Variants in A3GALT2 observed in about 807,000 individuals in gnomAD.
The protein encoded by A3GALT2 is alpha 1,3-galactosyltransferase 2, also known as alpha-1,3-galactosyltransferase 2.
In A3GALT2, 14 loss-of-function variants were observed where a neutral mutation model predicts 16.6. That is an observed-to-expected ratio of 0.84 (90% confidence interval 0.56 to 1.32). A3GALT2 has a LOEUF of 1.32. Ranked by LOEUF, A3GALT2 falls within the 40% of genes most tolerant of loss-of-function variation. The probability of loss-of-function intolerance (pLI) is 0.00; values close to 1 mark genes in which losing one functional copy is unlikely to be tolerated. For missense variants in A3GALT2, 600 were observed against 490.9 expected, an observed-to-expected ratio of 1.22 and a Z score of -2.10; for synonymous variants, 253 against 218.0, an observed-to-expected ratio of 1.16 and a Z score of -1.42.
chr1:33,309,335 CG>C (rs1646220473), intron 4 of A3GALT2, among the ~76,000 whole-genome samples: 1 of 151,726 alleles, frequency 6.6e-6, no homozygotes, highest in Non-Finnish European at 1.5e-5. Context: ...ACTTCCCAGA[CG>C]GGGTGGCTGG....
intron 1 of A3GALT2, 54 bp downstream of exon 1, chr1:33,321,022 T>G (rs1164181382): frequency 1.2e-6 from 2 of 1,609,150 alleles, no homozygotes; most frequent in East Asian, 2.2e-5. Context: ...TGGATCCCTC[T>G]TAGCTCAGCT....
intron 4 of A3GALT2, among the ~76,000 whole-genome samples, chr1:33,308,742 T>G (rs1646215918): frequency 6.9e-6 from 1 of 144,416 alleles, no homozygotes; most frequent in Admixed American, 6.9e-5. Flanking sequence ...TTTTGTCATG[T>G]CAAAGTTGTT....
At chr1:33,311,981 G>C in intron 4 of A3GALT2, 71 bp downstream of exon 4, 10 of 1,585,296 alleles carry the variant, frequency 6.3e-6, no homozygotes, top group Non-Finnish European at 8.6e-6. Flanking sequence ...AGGGTGCCCC[G>C]CCTCCTTCAT....
chr1:33,317,549 A>G (rs1557810131), intron 1 of A3GALT2, among the ~76,000 whole-genome samples: 1 of 152,182 alleles, frequency 6.6e-6, no homozygotes, highest in East Asian at 1.9e-4. Flanking sequence ...CAGCTCCTCC[A>G]CTGTAACACT....
intron 2 of A3GALT2, 35 bp from the exon 3 acceptor site, chr1:33,312,625 G>T (rs12563102): frequency 6.5e-7 from 1 of 1,530,966 alleles, no homozygotes; most frequent in South Asian, 1.2e-5. Flanking sequence ...GCAGGCAGCC[G>T]TGAGAAGCAT....
At chr1:33,307,653 C>A (rs1238047404) in intron 4 of A3GALT2, among the ~76,000 whole-genome samples, 200 bp from the exon 5 acceptor site, 9 of 64,216 alleles carry the variant, frequency 1.4e-4, no homozygotes, top group African/African-American at 5.8e-4. Flanking sequence ...AATCCTCACC[C>A]CCACCCCACA....
intron 4 of A3GALT2, among the ~76,000 whole-genome samples, chr1:33,311,642 G>A (rs1646233007): frequency 6.6e-6 from 1 of 152,124 alleles, no homozygotes; most frequent in South Asian, 2.1e-4. Flanking sequence ...CTGCACCTGA[G>A]CTGCTGACCT....
At chr1:33,308,211 G>C (rs147523855) in intron 4 of A3GALT2, among the ~76,000 whole-genome samples, 134 of 149,616 alleles carry the variant, frequency 9.0e-4, no homozygotes, top group African/African-American at 3.1e-3. Flanking sequence ...CCCTTTGGAC[G>C]ACTGGCAGCG....
intron 4 of A3GALT2, 125 bp downstream of exon 4, chr1:33,311,927 C>T: frequency 7.2e-7 from 1 of 1,393,692 alleles, no homozygotes; most frequent in Non-Finnish European, 9.7e-7. Context: ...GAAGTGTTGT[C>T]TTTGCTTCTC....
In A3GALT2 at chr1:33,307,334, A is replaced by G. The variant is rs1437180521; in HGVS notation, c.455T>C (p.Leu152Pro). 2.1e-5 allele frequency: 32 copies of G among 1,530,228 alleles called. No individual in the cohort carries two copies. The highest frequency in any genetic ancestry group is 2.6e-5 in the Non-Finnish European group (30 of 1,147,040). The allele number at this position is 1,530,228 out of a possible 1,614,324, so 94.8% of individuals were successfully genotyped here. The change falls in exon 5 of 5, where the codon CTG becomes CCG. Residue 152 changes from leucine (L) to proline (P), a missense_variant. Coordinates refer to ENST00000442999, the MANE Select transcript of A3GALT2 (RefSeq NM_001080438.1). ...ELPGAVPRVALGPGRRLPVER... is the reference protein window; with the variant it reads ...ELPGAVPRVAPGPGRRLPVER... ...CACGGGCAGCCGGCGTCCCGGGCCC[A>G]GCGCCACGCGGGGCACCGCTCCCGG...
At chr1:33,312,961 A>G (rs1570427178) in intron 1 of A3GALT2, 71 bp from the exon 2 acceptor site, 5 of 1,217,946 alleles carry the variant, frequency 4.1e-6, no homozygotes, top group Middle Eastern at 2.1e-4. Context: ...GCACACATAC[A>G]TGAAAAGTCT....
At chr1:33,316,809 A>G (rs998976553) in intron 1 of A3GALT2, among the ~76,000 whole-genome samples, 2 of 152,202 alleles carry the variant, frequency 1.3e-5, no homozygotes, top group Admixed American at 6.5e-5. Flanking sequence ...CCAGGAGGGC[A>G]GGGATGTTAT....
chr1:33,316,541 G>A (rs564046266), intron 1 of A3GALT2, among the ~76,000 whole-genome samples: 1 of 150,338 alleles, frequency 6.7e-6, no homozygotes, highest in African/African-American at 2.5e-5. Context: ...GTGGCAGGGA[G>A]GGCACTGCTG....
At chr1:33,316,455 A>C (rs1646262760) in intron 1 of A3GALT2, among the ~76,000 whole-genome samples, 2 of 152,184 alleles carry the variant, frequency 1.3e-5, no homozygotes, top group South Asian at 4.1e-4. Flanking sequence ...CAAAAAACCC[A>C]AAAACCAACA....
At chr1:33,311,138 G>T (rs1303119048) in intron 4 of A3GALT2, among the ~76,000 whole-genome samples, 1 of 152,064 alleles carries the variant, frequency 6.6e-6, no homozygotes, top group Non-Finnish European at 1.5e-5. Context: ...TCTTTTAGTT[G>T]CCCGAAACTA....
chr1:33,319,838 A>G (rs1002660871), intron 1 of A3GALT2, among the ~76,000 whole-genome samples: 13 of 152,028 alleles, frequency 8.6e-5, no homozygotes, highest in East Asian at 1.9e-4. Context: ...TTCTCCTCCA[A>G]TAAGTATCCG....
At chr1:33,315,323 A>T (rs1557809558) in intron 1 of A3GALT2, among the ~76,000 whole-genome samples, 1 of 151,134 alleles carries the variant, frequency 6.6e-6, no homozygotes, top group Non-Finnish European at 1.5e-5. Context: ...CGGAGGTTGC[A>T]GTGAGCTGAG....
Position 33,306,970 on chromosome 1 carries a change from C to G in A3GALT2, c.819G>C (p.Ala273=), listed in dbSNP as rs777391335. 3.4e-6 allele frequency: 5 copies of G among 1,489,084 alleles called. No homozygotes were observed. In the South Asian group the frequency reaches 5.1e-5, roughly 15 times the overall value. The allele number at this position is 1,489,084 out of a possible 1,614,324, so 92.2% of individuals were successfully genotyped here. Residue 273 remains alanine, a synonymous_variant, in exon 5 of 5, where the codon GCG becomes GCC. Coordinates refer to ENST00000442999, the MANE Select transcript of A3GALT2 (RefSeq NM_001080438.1). Reference sequence around the variant, plus strand: ...GCGCGCGGTCCCAGTCCAGGCCCCCCGCACAGTGCGCCGTCAGCCCGCGCA... The same window carrying G: ...GCGCGCGGTCCCAGTCCAGGCCCCCGGCACAGTGCGCCGTCAGCCCGCGCA... ...AALRGLTAHC[A]GGLDWDRARG...
In A3GALT2 at chr1:33,312,156, C is replaced by G; in HGVS notation, c.231G>C (p.Trp77Cys). Residue 77 changes from tryptophan (W) to cysteine (C), a missense_variant, in exon 4 of 5, where the codon TGG becomes TGC. By Grantham distance (215) the Trp-to-Cys change is radical. Coordinates refer to ENST00000442999, the MANE Select transcript of A3GALT2 (RefSeq NM_001080438.1). The part of the protein sequence containing the change: ...ARPEVLTCTP[W>C]GAPIIWDGSF... ...AGCCATCCCAAATAATGGGAGCCCC[C>G]CAGGGGGTACAGGTCAGAACTTCAG... The G allele has an allele frequency of 6.2e-7, 1 of 1,613,486 alleles. No homozygotes were observed.
Sources: gnomAD v4.1 joint callset for allele counts (sites outside exome capture counted in the v4.1 genomes callset) on GRCh38, gnomAD v4.1.1 for gene constraint, MANE v1.5 for transcripts, NCBI Gene and HGNC (gene_info 2026-07-23, HGNC 2026-07-21) for gene names.